NSRP1: variants seen among roughly 807,000 people sequenced by gnomAD.
NSRP1 encodes nuclear speckle splicing regulatory protein 1.
In NSRP1, 24 loss-of-function variants were observed where a neutral mutation model predicts 54.7. That is an observed-to-expected ratio of 0.44 (90% CI 0.32 to 0.62). The LOEUF is 0.62. Ranked by LOEUF, NSRP1 falls within the 20% of genes least tolerant of loss-of-function variation. NSRP1 has a pLI of 0.06. For missense variants in NSRP1, 596 were observed against 651.2 expected (o/e 0.92, Z 0.92); for synonymous variants, 210 against 213.8 (o/e 0.98, Z 0.15).
chr17:30,165,784 A>G (rs559866110), intron 2 of NSRP1, among the ~76,000 whole-genome samples: 1 of 152,364 alleles, frequency 6.6e-6, no homozygotes, highest in South Asian at 2.1e-4. Flanking sequence ...GTTTATGGAC[A>G]TACTGAATAT....
intron 2 of NSRP1, among the ~76,000 whole-genome samples, chr17:30,171,011 C>T (rs58840530): frequency 0.085 from 12,954 of 152,142 alleles, 1,745 homozygotes; most frequent in African/African-American, 0.29. Flanking sequence ...TTCTGATTTA[C>T]ATTTCCCTGA....
chr17:30,181,701 C>T lies in NSRP1; in HGVS notation c.617+685C>T, dbSNP rs559002466. On this transcript the variant is annotated intron_variant, in intron 6 of 6. Coordinates refer to ENST00000247026, the MANE Select transcript of NSRP1 (RefSeq NM_032141.4). ...TCTCTGCTTACTGCAACCTCTGCCT[C>T]TCAAGTTCAAGGGATTCTCGTGCCT... Among the ~76,000 whole-genome samples, 38 of 150,896 alleles carry T rather than the reference C, an allele frequency of 2.5e-4. No homozygotes were observed. The South Asian group carries it at 2.5e-3, about 10-fold the overall frequency.
At chr17:30,152,770 C>T (rs2071924313) in intron 2 of NSRP1, among the ~76,000 whole-genome samples, 1 of 151,582 alleles carries the variant, frequency 6.6e-6, no homozygotes, top group African/African-American at 2.4e-5. Context: ...TTGATCTGTT[C>T]CTCAGTATCT....
chr17:30,121,570 GTTTT>G (rs36072997), intron 2 of NSRP1, among the ~76,000 whole-genome samples: 1 of 132,786 alleles, frequency 7.5e-6, no homozygotes, highest in Non-Finnish European at 1.6e-5. Context: ...GTGTGTGTGT[GTTTT>G]TTTTTTTTTT....
rs1264475816 is a variant in NSRP1 at position 30,185,278 on chromosome 17, A to G, written c.1281A>G (p.Arg427=). 3 of 1,602,852 alleles carry G rather than the reference A, an allele frequency of 1.9e-6. No homozygotes were observed. The highest frequency in any genetic ancestry group is 1.7e-5 in the Admixed American group (1 of 57,628). ...AGCATATGAAAGTAAGGAAGGAAAG[A>G]TATGAAAATAATGATAAATACAGAG... ...KEEHMKVRKE[R]YENNDKYRDR... is the part of the protein sequence containing the mutation. The change falls in exon 7 of 7, where the codon AGA becomes AGG. Residue 427 remains arginine, a synonymous_variant. Transcript: ENST00000247026.
At chr17:30,151,504 A>C (rs536253359) in intron 2 of NSRP1, among the ~76,000 whole-genome samples, 1 of 152,302 alleles carries the variant, frequency 6.6e-6, no homozygotes, top group South Asian at 2.1e-4. Flanking sequence ...ATAATAAAAT[A>C]TATTTCCTAT....
intron 2 of NSRP1, among the ~76,000 whole-genome samples, chr17:30,151,578 A>G (rs904802326): frequency 6.6e-6 from 1 of 152,120 alleles, no homozygotes; most frequent in African/African-American, 2.4e-5. Flanking sequence ...ACATTGAGCT[A>G]GCCGAGGAGA....
chr17:30,154,063 T>C (rs2071938478), intron 2 of NSRP1, among the ~76,000 whole-genome samples: 1 of 150,820 alleles, frequency 6.6e-6, no homozygotes, highest in Non-Finnish European at 1.5e-5. Flanking sequence ...TGTGCTGTAA[T>C]CTCAGCACTT....
chr17:30,174,960 C>T (rs900251650), intron 3 of NSRP1, among the ~76,000 whole-genome samples: 1 of 152,152 alleles, frequency 6.6e-6, no homozygotes, highest in Non-Finnish European at 1.5e-5. Flanking sequence ...TCTTTCGCTG[C>T]AATTATCTAG....
chr17:30,153,358 T>C (rs2071931970), intron 2 of NSRP1, among the ~76,000 whole-genome samples: 1 of 152,228 alleles, frequency 6.6e-6, no homozygotes. Flanking sequence ...CTTTTCCTAG[T>C]TTGAAATGTA....
chr17:30,174,345 TC>T (rs1170157440), intron 3 of NSRP1, among the ~76,000 whole-genome samples: 2 of 152,200 alleles, frequency 1.3e-5, no homozygotes, highest in East Asian at 3.8e-4. Flanking sequence ...TACATACTTT[TC>T]CCTTTGTTCC....
At chr17:30,171,925 C>A (rs1904943956) in intron 2 of NSRP1, among the ~76,000 whole-genome samples, 2 of 149,826 alleles carry the variant, frequency 1.3e-5, no homozygotes, top group South Asian at 4.3e-4. Flanking sequence ...ACCAGTCTTT[C>A]CCCATTTCTC....
chr17:30,139,302 T>C (rs2071781882), intron 2 of NSRP1, among the ~76,000 whole-genome samples: 1 of 152,158 alleles, frequency 6.6e-6, no homozygotes, highest in African/African-American at 2.4e-5. Flanking sequence ...ATATATGATA[T>C]GCATATATTT....
At chr17:30,173,315 A>G (rs1284872529) in intron 3 of NSRP1, among the ~76,000 whole-genome samples, 1 of 152,164 alleles carries the variant, frequency 6.6e-6, no homozygotes, top group Non-Finnish European at 1.5e-5. Context: ...ACATACATTT[A>G]TCTTTTACAG....
intron 2 of NSRP1, among the ~76,000 whole-genome samples, chr17:30,169,130 T>G (rs903438128): frequency 3.3e-5 from 5 of 152,112 alleles, no homozygotes; most frequent in African/African-American, 1.2e-4. Flanking sequence ...AAAATAGATA[T>G]AGTCTACATT....
At chr17:30,117,912 G>C in intron 1 of NSRP1, 168 bp from the exon 2 acceptor site, 1 of 549,596 alleles carries the variant, frequency 1.8e-6, no homozygotes, top group Non-Finnish European at 3.2e-6. Context: ...AGAATCTTAC[G>C]GCATGTTAGA....
intron 2 of NSRP1, chr17:30,150,036 A>G (rs2071891526): frequency 6.6e-6 from 1 of 152,158 alleles, no homozygotes; most frequent in Admixed American, 6.5e-5. Context: ...TATTTGGGAC[A>G]TTTCAAATAA....
At chr17:30,169,861 C>G (rs1413935214) in intron 2 of NSRP1, among the ~76,000 whole-genome samples, 1 of 150,732 alleles carries the variant, frequency 6.6e-6, no homozygotes, top group Non-Finnish European at 1.5e-5. Context: ...AAAAAAAGCA[C>G]CAATTGCTGG....
intron 3 of NSRP1, among the ~76,000 whole-genome samples, chr17:30,177,371 G>T (rs1532042): frequency 0.5 from 74,673 of 150,414 alleles, 19,047 homozygotes; most frequent in East Asian, 0.81. Flanking sequence ...AGACCCCATC[G>T]CTTTAAAAAA....
Sources: allele counts gnomAD v4.1 joint callset (sites outside exome capture counted in the v4.1 genomes callset), GRCh38; gene constraint gnomAD v4.1.1; transcripts MANE v1.5; gene names NCBI Gene and HGNC (gene_info 2026-07-23, HGNC 2026-07-21).